Variants in RNFT1 observed in about 807,000 individuals in gnomAD.
RNFT1 encodes the protein E3 ubiquitin-protein ligase RNFT1.
RNFT1 carries 35 observed loss-of-function variants against 53.2 expected under a neutral mutation model. That is an observed-to-expected ratio of 0.66 (90% CI 0.50 to 0.87). RNFT1 has a LOEUF of 0.87. Ranked by LOEUF, RNFT1 falls within the 40% of genes least tolerant of loss-of-function variation. RNFT1 has a pLI of 0.00. For synonymous variants in RNFT1, 141 were observed against 172.8 expected, an observed-to-expected ratio of 0.82 and a Z score of 1.44; for missense variants, 421 against 515.0, an observed-to-expected ratio of 0.82 and a Z score of 1.77.
At chr17:59,962,433 ATTAC>A (rs2045300532) in intron 3 of RNFT1, 103 bp downstream of exon 3, 1 of 716,606 alleles carries the variant, frequency 1.4e-6, no homozygotes, top group Admixed American at 2.7e-5. Flanking sequence ...AATATATCCT[ATTAC>A]TTCCTATTTC....
Position 59,953,056 on chromosome 17 carries a change from G to GGA in RNFT1, c.1227_1228dup (p.Pro410LeufsTer7). 6.2e-7 allele frequency: 1 copy of GGA among 1,612,318 alleles called. No individual in the cohort carries two copies. Among genetic ancestry groups the GGA allele is most frequent in the Non-Finnish European group, 8.5e-7 (1 of 1,178,536 alleles). ...GTCTGAAATCACAGTTCTGCAGAGT[G>GGA]GACATGTTTTCTCTCTGTTAAACCA... On this transcript the variant is annotated frameshift_variant, in exon 9 of 9. Coordinates refer to ENST00000305783, the MANE Select transcript of RNFT1 (RefSeq NM_016125.4). LOFTEE classifies it high-confidence loss of function.
intron 5 of RNFT1, among the ~76,000 whole-genome samples, chr17:59,957,638 G>A (rs1458491225): frequency 2.0e-5 from 3 of 152,146 alleles, no homozygotes; most frequent in Non-Finnish European, 4.4e-5. Flanking sequence ...CTGAGGTCAG[G>A]AGTTCGAGAC....
At chr17:59,954,217 G>T in intron 7 of RNFT1, 71 bp from the exon 8 acceptor site, 1 of 1,009,756 alleles carries the variant, frequency 9.9e-7, no homozygotes, top group Non-Finnish European at 1.5e-6. Flanking sequence ...CATAAGTAAT[G>T]CTGTACTTCT....
Position 59,957,289 on chromosome 17 carries a change from C to A in RNFT1, c.940G>T (p.Glu314Ter). 6.2e-7 allele frequency: 1 copy of A among 1,613,894 alleles called. No homozygotes were observed. The highest frequency in any genetic ancestry group is 8.5e-7 in the Non-Finnish European group (1 of 1,179,954). The change falls in exon 6 of 9, where the codon GAG (glutamate) becomes TAG (stop). Residue 314 changes from glutamate to a stop codon, truncating the protein, a stop_gained. Coordinates refer to ENST00000305783, the MANE Select transcript of RNFT1 (RefSeq NM_016125.4). LOFTEE classifies it high-confidence loss of function. The part of the protein sequence containing the change: ...VWFRYLISYG[E>*]FGNVTRWSLG... The stretch of plus-strand genomic sequence containing the variant: ...CTCCATCTAGTTACGTTACCAAACT[C>A]CCCATAGCTTATAAGGTAGCGAAAC...
chr17:59,956,610 CA>C, intron 6 of RNFT1, 57 bp from the exon 7 acceptor site: 5 of 1,302,314 alleles, frequency 3.8e-6, no homozygotes, highest in South Asian at 2.5e-5. Flanking sequence ...TTGCTAAACC[CA>C]AAAACCAAAG....
In RNFT1 at chr17:59,952,285, C is replaced by T. The variant is rs2045223807; in HGVS notation, c.*692G>A. On this transcript the variant is annotated 3_prime_UTR_variant, in exon 9 of 9. Transcript: ENST00000305783. The stretch of plus-strand genomic sequence containing the variant: ...TTTTAATAGTTACTTCGAGATACTC[C>T]ATGGTACTATACAAAAAGCATGATC... 6.6e-6 allele frequency: 1 copy of T among 152,138 alleles called. No homozygotes were observed. The highest frequency in any genetic ancestry group is 1.9e-4 in the East Asian group (1 of 5,200). The allele number at this position is 152,138 out of a possible 1,614,324, so 9.4% of individuals were successfully genotyped here.
At chr17:59,954,299 C>G (rs746445828) in intron 7 of RNFT1, among the ~76,000 whole-genome samples, 153 bp from the exon 8 acceptor site, 8 of 152,136 alleles carry the variant, frequency 5.3e-5, no homozygotes, top group Non-Finnish European at 1.0e-4. Flanking sequence ...GAGCCATATA[C>G]AGAACCACCT....
intron 4 of RNFT1, chr17:59,958,692 C>A (rs1032308796): frequency 2.8e-4 from 149 of 536,592 alleles, no homozygotes; most frequent in Non-Finnish European, 2.9e-4. Flanking sequence ...ATAGTTGACA[C>A]CTTTCTAGCC....
chr17:59,956,678 T>G, intron 6 of RNFT1, 125 bp from the exon 7 acceptor site: 2 of 661,484 alleles, frequency 3.0e-6, no homozygotes, highest in Non-Finnish European at 5.3e-6. Flanking sequence ...ATATGTCACA[T>G]CTAATCATTT....
intron 8 of RNFT1, 64 bp from the exon 9 acceptor site, chr17:59,953,175 G>C: frequency 6.9e-6 from 9 of 1,295,780 alleles, no homozygotes; most frequent in Non-Finnish European, 9.5e-6. Flanking sequence ...CACATTGTAG[G>C]GAATGAAAGG....
At position 59,963,075 on chromosome 17, in the gene RNFT1, T is replaced by G. The variant is rs1351224052; in HGVS notation, c.266A>C (p.Glu89Ala). ...TCTGGAGCTTGCATTTTCTGCACAT[T>G]CTTTAGGTATGGAGTTTATCTGGAT... The part of the protein sequence containing the change: ...VHIQINSIPK[E>A]CAENASSRNI... Residue 89 changes from glutamate to alanine, a missense_variant, in exon 2 of 9, where the codon GAA becomes GCA. Coordinates refer to ENST00000305783, the MANE Select transcript of RNFT1 (RefSeq NM_016125.4). 6.2e-7 allele frequency: 1 copy of G among 1,614,182 alleles called. No homozygotes were observed. Among genetic ancestry groups the G allele is most frequent in the Admixed American group, 1.7e-5 (1 of 60,020 alleles).
In RNFT1 at chr17:59,952,926, CATT is replaced by C. The variant is rs1568540591; in HGVS notation, c.*48_*50del. The C allele has an allele frequency of 1.3e-6, 2 of 1,563,532 alleles. No individual in the cohort carries two copies. Among genetic ancestry groups the C allele is most frequent in the African/African-American group, 1.4e-5 (1 of 73,818 alleles). On this transcript the variant is annotated 3_prime_UTR_variant, in exon 9 of 9. Coordinates refer to ENST00000305783, the MANE Select transcript of RNFT1 (RefSeq NM_016125.4). ...TCCATTCTGATGCCTTATCAGTAGT[CATT>C]ATGACCAAATGACATTAGTATTTTG...
chr17:59,955,363 A>C (rs1012096902), intron 7 of RNFT1, among the ~76,000 whole-genome samples: 1 of 152,208 alleles, frequency 6.6e-6, no homozygotes, highest in Admixed American at 6.5e-5. Context: ...CTCATCTGGC[A>C]TCTTGGAGAC....
Position 59,957,325 on chromosome 17 carries a change from T to C in RNFT1, c.904A>G (p.Ile302Val), listed in dbSNP as rs1039688609. Residue 302 changes from isoleucine (I) to valine (V), a missense_variant, in exon 6 of 9, where the codon ATA becomes GTA. Coordinates refer to ENST00000305783, the MANE Select transcript of RNFT1 (RefSeq NM_016125.4). ...LCQYYRTFVP[I>V]PVWFRYLISY... ...ATAAGGTAGCGAAACCAAACTGGTA[T>C]GGGAACAAAAGTTCGGTAGTATTGA... 3.1e-6 allele frequency: 5 copies of C among 1,613,972 alleles called. No individual in the cohort carries two copies. The highest frequency in any genetic ancestry group is 4.2e-6 in the Non-Finnish European group (5 of 1,179,950).
chr17:59,955,379 CT>C (rs2045247549), intron 7 of RNFT1, among the ~76,000 whole-genome samples: 1 of 152,134 alleles, frequency 6.6e-6, no homozygotes, highest in Non-Finnish European at 1.5e-5. Flanking sequence ...GAGACTCCCT[CT>C]CCAGATAGTA....
Position 59,964,641 on chromosome 17 carries a change from A to C in RNFT1, c.23T>G (p.Leu8Arg), listed in dbSNP as rs750167733. The C allele has an allele frequency of 6.2e-7, 1 of 1,608,208 alleles. No homozygotes were observed. Among genetic ancestry groups the C allele is most frequent in the Non-Finnish European group, 8.5e-7 (1 of 1,177,638 alleles). MPLFLLS[L>R]PTPPSASGHE... is the part of the protein sequence containing the mutation. ...ACCAGAAGCGGACGGAGGTGTCGGG[A>C]GCGACAGCAAGAACAGCGGCATACA... The change falls in exon 1 of 9, where the codon CTC becomes CGC. Residue 8 changes from leucine (L) to arginine (R), a missense_variant. Physicochemically the swap from Leu to Arg is moderately radical, Grantham distance 102 (BLOSUM62 -2). Coordinates refer to ENST00000305783, the MANE Select transcript of RNFT1 (RefSeq NM_016125.4).
intron 2 of RNFT1, 67 bp downstream of exon 2, chr17:59,962,760 A>G: frequency 7.0e-7 from 1 of 1,438,674 alleles, no homozygotes; most frequent in South Asian, 1.3e-5. Flanking sequence ...TAAGTAGATT[A>G]CCAATAATGA....
At chr17:59,959,004 T>A (rs780954490) in intron 4 of RNFT1, among the ~76,000 whole-genome samples, 10 of 152,342 alleles carry the variant, frequency 6.6e-5, no homozygotes, top group Non-Finnish European at 1.5e-4. Flanking sequence ...ATCTACACTC[T>A]CTTTCCTGGG....
rs2045259324 is a variant in RNFT1, at chr17:59,957,224, T to C, written c.1005A>G (p.Lys335=). 1.2e-6 allele frequency: 2 copies of C among 1,611,208 alleles called. No individual in the cohort carries two copies. The highest frequency in any genetic ancestry group is 2.7e-5 in the African/African-American group (2 of 74,750). The stretch of plus-strand genomic sequence containing the variant: ...TGACAAGATTTGTAATGTTACCTAC[T>C]TTTAATATGAGGTAGAGTAAAGCCA... ...ILLALLYLIL[K]LLEFFGHLRT... is the part of the protein sequence containing the mutation. The change falls in exon 6 of 9, where the codon AAA becomes AAG. Residue 335 remains lysine (K), a splice_region_variant and synonymous_variant. Coordinates refer to ENST00000305783, the MANE Select transcript of RNFT1 (RefSeq NM_016125.4).
Sources: gnomAD v4.1 joint callset for allele counts (sites outside exome capture counted in the v4.1 genomes callset) on GRCh38, gnomAD v4.1.1 for gene constraint, MANE v1.5 for transcripts, NCBI Gene and HGNC (gene_info 2026-07-23, HGNC 2026-07-21) for gene names.